Variants in KCNAB2 observed in about 807,000 individuals in gnomAD.
The protein encoded by KCNAB2 is voltage-gated potassium channel subunit beta-2.
Under a neutral mutation model 63.6 loss-of-function variants are expected in KCNAB2, and 29 were observed. The observed-to-expected ratio is 0.46, with a 90% CI of 0.34 to 0.62. KCNAB2 has a LOEUF of 0.62. Ranked by LOEUF, KCNAB2 falls within the 20% of genes least tolerant of loss-of-function variation. The probability of loss-of-function intolerance (pLI) is 0.01; values close to 1 mark genes in which losing one functional copy is unlikely to be tolerated. For synonymous variants in KCNAB2, 222 were observed against 224.2 expected (o/e 0.99, Z 0.09); for missense variants, 359 against 563.9 (o/e 0.64, Z 3.68).
chr1:6,095,725 G>A, intron 13 of KCNAB2, 101 bp downstream of exon 13: 1 of 1,115,298 alleles, frequency 9.0e-7, no homozygotes, highest in Non-Finnish European at 1.3e-6. Flanking sequence ...GGGGTTCCGG[G>A]AGCTGCAGCT....
Position 6,096,065 on chromosome 1 carries a change from G to A in KCNAB2, c.948+441G>A, listed in dbSNP as rs1392297286. ...CAACCTCTGAGTGGGGACTCAGGAG[G>A]GTCCCCAGACTGCAGGATCTGGAGA... On this transcript the variant is annotated intron_variant, in intron 13 of 15. Coordinates refer to ENST00000378083, the MANE Select transcript of KCNAB2 (RefSeq NM_001199862.2). The surrounding 1 kb of genome is among the most constrained non-coding windows in gnomAD (Gnocchi z 5.9). 1 of 458,948 alleles carries A rather than the reference G, an allele frequency of 2.2e-6. No homozygotes were observed. Among genetic ancestry groups the A allele is most frequent in the Non-Finnish European group, 4.4e-6 (1 of 228,872 alleles). 28.4% of individuals were successfully genotyped at this position (458,948 alleles called of 1,614,324 possible).
intron 2 of KCNAB2, among the ~76,000 whole-genome samples, chr1:6,055,353 C>CTTT (rs543532983): frequency 8.2e-5 from 9 of 109,736 alleles, no homozygotes; most frequent in South Asian, 3.1e-4. Context: ...AAGACAAACG[C>CTTT]TTTTTTTTTT....
Position 6,100,163 on chromosome 1 carries a change from G to A in KCNAB2, c.*1589G>A. The A allele has an allele frequency of 7.6e-7, 1 of 1,319,064 alleles. No homozygotes were observed. Among genetic ancestry groups the A allele is most frequent in the Non-Finnish European group, 9.9e-7 (1 of 1,009,956 alleles). The allele number at this position is 1,319,064 out of a possible 1,614,324, so 81.7% of individuals were successfully genotyped here. On this transcript the variant is annotated 3_prime_UTR_variant, in exon 16 of 16. Transcript: ENST00000378083. ...GGAGCCTGCTGTCCAGTCCTGGCCG[G>A]GCCAAGGCCTGGGAAACTGTGAAAG...
At chr1:6,036,092 G>T (rs1215142937) in intron 1 of KCNAB2, 2 of 152,296 alleles carry the variant, frequency 1.3e-5, no homozygotes, top group Non-Finnish European at 1.5e-5. Flanking sequence ...AGGCTGATTG[G>T]AGTTGGTTTA....
intron 10 of KCNAB2, among the ~76,000 whole-genome samples, chr1:6,092,573 T>C (rs966339573): frequency 1.3e-5 from 2 of 152,162 alleles, no homozygotes; most frequent in African/African-American, 4.8e-5. Context: ...TGCTCACAGG[T>C]GCCCCGAGAG....
At chr1:6,010,660 C>T (rs1283551528) in intron 1 of KCNAB2, among the ~76,000 whole-genome samples, 1 of 152,204 alleles carries the variant, frequency 6.6e-6, no homozygotes, top group Non-Finnish European at 1.5e-5. Context: ...GCTGAGGAGT[C>T]CCTCCTCGTC....
chr1:6,005,390 T>C (rs4908479), intron 1 of KCNAB2, among the ~76,000 whole-genome samples: 382 of 2,928 alleles, frequency 0.13, 97 homozygotes, highest in East Asian at 0.56. Context: ...AACTGGGGGA[T>C]GTGGGAGCTG....
At position 6,096,735 on chromosome 1, in the gene KCNAB2, A is replaced by T; in HGVS notation, c.1048A>T (p.Thr350Ser). Residue 350 changes from threonine to serine, a missense_variant, in exon 14 of 16, where the codon ACC becomes TCC. By Grantham distance (58) the Thr-to-Ser change is moderately conservative. Around this residue, in one of 2 missense-constraint regions of KCNAB2, gnomAD observed 271 missense variants for 476.1 expected, o/e 0.57. Coordinates refer to ENST00000378083, the MANE Select transcript of KCNAB2 (RefSeq NM_001199862.2). The surrounding 1 kb of genome is among the most constrained non-coding windows in gnomAD (Gnocchi z 5.9). ...LQAIAERLGC[T>S]LPQLAIAWCL... is the part of the protein sequence containing the mutation. ...GGCCATCGCCGAGCGCCTGGGCTGCACCCTGCCCCAGCTGGCCATAGGTAA... is the reference window on the plus strand; with the variant it reads ...GGCCATCGCCGAGCGCCTGGGCTGCTCCCTGCCCCAGCTGGCCATAGGTAA... 6.3e-7 allele frequency: 1 copy of T among 1,587,744 alleles called. No homozygotes were observed. The highest frequency in any genetic ancestry group is 8.6e-7 in the Non-Finnish European group (1 of 1,168,112).
chr1:6,018,458 A>G (rs1307922224), intron 1 of KCNAB2, among the ~76,000 whole-genome samples: 1 of 151,372 alleles, frequency 6.6e-6, no homozygotes, highest in Non-Finnish European at 1.5e-5. Flanking sequence ...GATAAGGTTT[A>G]GATAAGCTCA....
At chr1:6,051,478 G>A (rs1257195849) in intron 1 of KCNAB2, 33 bp from the exon 2 acceptor site, 2 of 1,441,982 alleles carry the variant, frequency 1.4e-6, no homozygotes, top group African/African-American at 1.4e-5. Context: ...GTGGGGCATT[G>A]GCACACTGTC....
At position 6,094,424 on chromosome 1, in the gene KCNAB2, T is replaced by C; in HGVS notation, c.671T>C (p.Val224Ala). ...IEETVRAMTH[V>A]INQGMAMYWG... ...GAGACCGTCCGCGCCATGACCCACG[T>C]CATCAACCAGGGGATGGCCATGTAC... The change falls in exon 11 of 16, where the codon GTC becomes GCC. Residue 224 changes from valine to alanine, a missense_variant. Transcript: ENST00000378083. 2 of 1,611,838 alleles carry C rather than the reference T, an allele frequency of 1.2e-6. No homozygotes were observed. Among genetic ancestry groups the C allele is most frequent in the Non-Finnish European group, 1.7e-6 (2 of 1,179,496 alleles).
rs564880732 is a variant in KCNAB2, at chr1:6,028,720, G to A, written c.-52-11797G>A. 2.5e-4 allele frequency among the ~76,000 whole-genome samples: 38 copies of A among 152,310 alleles called. No homozygotes were observed. Among genetic ancestry groups the A allele is most frequent in the African/African-American group, 7.9e-4 (33 of 41,570 alleles). ...GAATCTGGGGGAGAGTCCATCGTTG[G>A]TGTTGCTCCACTGACCTCCAGGATG... On this transcript the variant is annotated intron_variant, in intron 1 of 16. Coordinates refer to the KCNAB2 transcript ENST00000341524. The surrounding 1 kb of genome is among the most constrained non-coding windows in gnomAD (Gnocchi z 4.0).
At position 6,085,921 on chromosome 1, in the gene KCNAB2, G is replaced by A. The variant is rs926158467; in HGVS notation, c.425+673G>A. On this transcript the variant is annotated intron_variant, in intron 6 of 15. Coordinates refer to ENST00000378083, the MANE Select transcript of KCNAB2 (RefSeq NM_001199862.2). ...GAAGTGGTCCCCTCCAGCACAGACC[G>A]GGGAGCGGTCCCCGGGTGTGATGGA... The A allele has an allele frequency of 6.6e-5, 65 of 984,850 alleles. No individual in the cohort carries two copies. In the South Asian group the frequency reaches 1.4e-3, roughly 21 times the overall value. 61.0% of individuals were successfully genotyped at this position (984,850 alleles called of 1,614,324 possible).
rs1195292626 is a variant in KCNAB2 at position 6,101,115 on chromosome 1, C to G, written c.*2541C>G. On this transcript the variant is annotated 3_prime_UTR_variant, in exon 16 of 16. Transcript: ENST00000378083. ...CTGTCCTATGCCTCGAGCTTCCAAA[C>G]GAGACTCAGACCGCGACACAGCCAC... 6.6e-6 allele frequency: 1 copy of G among 152,066 alleles called. No homozygotes were observed. Among genetic ancestry groups the G allele is most frequent in the Non-Finnish European group, 1.5e-5 (1 of 68,026 alleles). The allele number at this position is 152,066 out of a possible 1,614,324, so 9.4% of individuals were successfully genotyped here.
chr1:6,095,389 A>G lies in KCNAB2; in HGVS notation c.799A>G (p.Met267Val), dbSNP rs761474952. Residue 267 changes from methionine to valine, a missense_variant, in exon 12 of 16, where the codon ATG (methionine) becomes GTG (valine). Transcript: ENST00000378083. ...CATCTGCGAGCAGGCTGAGTACCAC[A>G]TGTTCCAGCGTGAGAAAGTGGAGGT... ...PPICEQAEYH[M>V]FQREKVEVQL... The G allele has an allele frequency of 1.2e-6, 2 of 1,612,924 alleles. No homozygotes were observed. Among genetic ancestry groups the G allele is most frequent in the African/African-American group, 1.3e-5 (1 of 74,940 alleles).
intron 2 of KCNAB2, among the ~76,000 whole-genome samples, chr1:6,062,654 C>T (rs1439074594): frequency 6.6e-6 from 1 of 152,144 alleles, no homozygotes; most frequent in Non-Finnish European, 1.5e-5. Flanking sequence ...GGCCTAGCTT[C>T]ATAGCGCACA....
chr1:6,022,962 A>C (rs12128295), intron 1 of KCNAB2, among the ~76,000 whole-genome samples: 63,598 of 148,148 alleles, frequency 0.43, 13,836 homozygotes, highest in East Asian at 0.6. Flanking sequence ...GGCTCACTGC[A>C]ACCCCTGCCT....
At position 6,100,320 on chromosome 1, in the gene KCNAB2, T is replaced by C. The variant is rs1037935576; in HGVS notation, c.*1746T>C. 1.4e-5 allele frequency: 5 copies of C among 350,440 alleles called. No individual in the cohort carries two copies. The highest frequency in any genetic ancestry group is 8.7e-5 in the Admixed American group (2 of 22,978). 21.7% of individuals were successfully genotyped at this position (350,440 alleles called of 1,614,324 possible). A position where few individuals can be genotyped will look rare whatever the true frequency, so the allele number is the denominator to read the frequency against. Reference sequence around the variant, plus strand: ...CTCCTCATAGACCAAGTCCCGGGGGTCTCCACTCAGTCCTGCTGCCTGCTT... The same window carrying C: ...CTCCTCATAGACCAAGTCCCGGGGGCCTCCACTCAGTCCTGCTGCCTGCTT... On this transcript the variant is annotated 3_prime_UTR_variant, in exon 16 of 16. Transcript: ENST00000378083.
In KCNAB2 at chr1:6,098,792, G is replaced by C; in HGVS notation, c.*218G>C. 1.8e-6 allele frequency: 1 copy of C among 552,416 alleles called. No homozygotes were observed. The highest frequency in any genetic ancestry group is 3.1e-6 in the Non-Finnish European group (1 of 319,536). The allele number at this position is 552,416 out of a possible 1,614,324, so 34.2% of individuals were successfully genotyped here. Reference sequence around the variant, plus strand: ...TCCAGTCTGTGCCGGGGAAGGCACTGGTTAGGAAGGATGTTCAAACGGTCC... The same window carrying C: ...TCCAGTCTGTGCCGGGGAAGGCACTCGTTAGGAAGGATGTTCAAACGGTCC... On this transcript the variant is annotated 3_prime_UTR_variant, in exon 16 of 16. Transcript: ENST00000378083.
Sources: gnomAD v4.1 joint callset for allele counts (sites outside exome capture counted in the v4.1 genomes callset) on GRCh38, gnomAD v4.1.1 for gene constraint, gnomAD v4.1.1 regional missense constraint, Gnocchi (gnomAD v3.1) non-coding constraint, MANE v1.5 for transcripts, NCBI Gene and HGNC (gene_info 2026-07-23, HGNC 2026-07-21) for gene names.